Variants in CABCOCO1 observed in about 807,000 individuals in gnomAD.
CABCOCO1 encodes the protein ciliary-associated calcium-binding coiled-coil protein 1.
In CABCOCO1, 28 loss-of-function variants were observed where a neutral mutation model predicts 35.7. The observed-to-expected ratio is 0.78, with a 90% confidence interval of 0.58 to 1.07. The LOEUF (loss-of-function observed/expected upper bound fraction) is 1.07. Ranked by LOEUF, CABCOCO1 falls within the 50% of genes least tolerant of loss-of-function variation. The probability of loss-of-function intolerance (pLI) is 0.00; values close to 1 mark genes in which losing one functional copy is unlikely to be tolerated. For synonymous variants in CABCOCO1, 95 were observed against 100.1 expected, an observed-to-expected ratio of 0.95 and a Z score of 0.30; for missense variants, 326 against 309.2, an observed-to-expected ratio of 1.05 and a Z score of -0.41.
chr10:61,756,673 C>G (rs375198999), intron 5 of CABCOCO1, among the ~76,000 whole-genome samples: 61 of 152,160 alleles, frequency 4.0e-4, no homozygotes, highest in Admixed American at 1.6e-3. Flanking sequence ...TGTGTATAAT[C>G]AGAAACTCCT....
chr10:61,669,266 A>G (rs192083490), intron 1 of CABCOCO1, among the ~76,000 whole-genome samples: 166 of 152,144 alleles, frequency 1.1e-3, no homozygotes, highest in Non-Finnish European at 2.0e-3. Flanking sequence ...AGAGAGGGAA[A>G]AAAATTAGAG....
At chr10:61,757,387 T>G (rs1564557794) in intron 5 of CABCOCO1, among the ~76,000 whole-genome samples, 1 of 152,072 alleles carries the variant, frequency 6.6e-6, no homozygotes, top group Non-Finnish European at 1.5e-5. Context: ...GACATTTCTT[T>G]CCCTTGCAGT....
intron 5 of CABCOCO1, among the ~76,000 whole-genome samples, chr10:61,746,359 T>C (rs1841660889): frequency 6.6e-6 from 1 of 152,156 alleles, no homozygotes. Context: ...TTACATTTCT[T>C]AGAGAACCAG....
chr10:61,682,574 T>TA (rs1839827217), intron 3 of CABCOCO1, among the ~76,000 whole-genome samples: 6 of 152,228 alleles, frequency 3.9e-5, no homozygotes, highest in Admixed American at 2.6e-4. Flanking sequence ...GAATATTTTT[T>TA]ATTTCTTATG....
At position 61,731,030 on chromosome 10, in the gene CABCOCO1, A is replaced by G. The variant is rs540313003; in HGVS notation, c.553-29029A>G. Reference sequence around the variant, plus strand: ...ATTGGATATTGGACTTATAAATAACATTCTTGGGATAATTGGCAAATTTTA... The same window carrying G: ...ATTGGATATTGGACTTATAAATAACGTTCTTGGGATAATTGGCAAATTTTA... On this transcript the variant is annotated intron_variant, in intron 5 of 7. Transcript: ENST00000648843. Among the ~76,000 whole-genome samples the G allele has an allele frequency of 2.6e-5, 4 of 151,246 alleles. No homozygotes were observed. In the South Asian group the frequency reaches 8.4e-4, roughly 32 times the overall value.
chr10:61,712,217 G>C (rs1339710135), intron 5 of CABCOCO1, among the ~76,000 whole-genome samples: 1 of 152,124 alleles, frequency 6.6e-6, no homozygotes, highest in Non-Finnish European at 1.5e-5. Flanking sequence ...GTGTCAGATG[G>C]TTTCTCATCG....
chr10:61,687,521 G>C (rs1435885542), intron 4 of CABCOCO1, among the ~76,000 whole-genome samples: 1 of 152,098 alleles, frequency 6.6e-6, no homozygotes, highest in South Asian at 2.1e-4. Flanking sequence ...ATGGGCACAG[G>C]GACTGATAGT....
chr10:61,668,371 C>G (rs1171068863), intron 1 of CABCOCO1, among the ~76,000 whole-genome samples: 1 of 151,818 alleles, frequency 6.6e-6, no homozygotes, highest in Admixed American at 6.6e-5. Context: ...AAAATGAACT[C>G]TCTATAGTCT....
chr10:61,690,573 C>T lies in CABCOCO1; in HGVS notation c.504C>T (p.Tyr168=), dbSNP rs140653838. The change falls in exon 5 of 8, where the codon TAC becomes TAT. Residue 168 remains tyrosine, a synonymous_variant. Transcript: ENST00000648843. The part of the protein sequence containing the change: ...KISLFQHYKL[Y]EFMFYSAREE... Reference sequence around the variant, plus strand: ...GCTTATTTCAACACTACAAGCTATACGAGTTTATGTTCTACTCTGCCAGGG... The same window carrying T: ...GCTTATTTCAACACTACAAGCTATATGAGTTTATGTTCTACTCTGCCAGGG... 143 of 1,605,568 alleles carry T rather than the reference C, an allele frequency of 8.9e-5. No individual in the cohort carries two copies. The highest frequency in any genetic ancestry group is 4.0e-4 in the East Asian group (18 of 44,588).
intron 2 of CABCOCO1, among the ~76,000 whole-genome samples, chr10:61,678,110 T>C (rs1343068553): frequency 6.6e-6 from 1 of 152,180 alleles, no homozygotes; most frequent in Non-Finnish European, 1.5e-5. Flanking sequence ...TCCATTTGGA[T>C]AACCAATTCT....
At chr10:61,675,124 C>T (rs997446205) in intron 2 of CABCOCO1, among the ~76,000 whole-genome samples, 15 of 152,090 alleles carry the variant, frequency 9.9e-5, no homozygotes, top group Non-Finnish European at 1.3e-4. Flanking sequence ...AGGTATATCA[C>T]CTATCATCAC....
At chr10:61,691,224 T>G (rs2131995658) in intron 5 of CABCOCO1, among the ~76,000 whole-genome samples, 1 of 152,288 alleles carries the variant, frequency 6.6e-6, no homozygotes, top group Admixed American at 6.5e-5. Context: ...CCTAATTGTT[T>G]CCTGTGGGTT....
intron 2 of CABCOCO1, among the ~76,000 whole-genome samples, chr10:61,677,229 C>T (rs1278934177): frequency 1.3e-5 from 2 of 152,086 alleles, no homozygotes; most frequent in African/African-American, 4.8e-5. Flanking sequence ...GGAAGTTTAG[C>T]AGCATATCTC....
intron 5 of CABCOCO1, among the ~76,000 whole-genome samples, chr10:61,717,187 C>A (rs1589137966): frequency 6.6e-6 from 1 of 152,198 alleles, no homozygotes; most frequent in East Asian, 1.9e-4. Flanking sequence ...ACCTGAAGAG[C>A]TCCAAAACAT....
intron 5 of CABCOCO1, among the ~76,000 whole-genome samples, chr10:61,757,493 G>GA (rs1317835729): frequency 6.6e-6 from 1 of 151,938 alleles, no homozygotes; most frequent in African/African-American, 2.4e-5. Flanking sequence ...CTGAAGAAAA[G>GA]AAATTCTCAC....
At chr10:61,708,437 A>G (rs1356902737) in intron 5 of CABCOCO1, among the ~76,000 whole-genome samples, 1 of 152,124 alleles carries the variant, frequency 6.6e-6, no homozygotes, top group Non-Finnish European at 1.5e-5. Context: ...TATAACAAAA[A>G]TATCATAAAC....
chr10:61,679,550 G>A (rs1257086978), intron 2 of CABCOCO1, among the ~76,000 whole-genome samples: 4 of 152,028 alleles, frequency 2.6e-5, no homozygotes, highest in African/African-American at 9.7e-5. Context: ...ATAAATGCTA[G>A]AATAATTGAC....
At chr10:61,730,045 A>C (rs1841264660) in intron 5 of CABCOCO1, among the ~76,000 whole-genome samples, 1 of 152,116 alleles carries the variant, frequency 6.6e-6, no homozygotes, top group Admixed American at 6.6e-5. Flanking sequence ...TGTAGACTTA[A>C]AAATTTGTTA....
intron 6 of CABCOCO1, 114 bp downstream of exon 6, chr10:61,760,295 C>CCTCATG: frequency 7.5e-7 from 1 of 1,330,372 alleles, no homozygotes; most frequent in Admixed American, 2.3e-5. Flanking sequence ...TTTTCCCAAC[C>CCTCATG]AAATACAAAT....
Sources: allele counts gnomAD v4.1 joint callset (sites outside exome capture counted in the v4.1 genomes callset), GRCh38; gene constraint gnomAD v4.1.1; transcripts MANE v1.5; gene names NCBI Gene and HGNC (gene_info 2026-07-23, HGNC 2026-07-21).